ATL2: variants seen among roughly 807,000 people sequenced by gnomAD.
ATL2 encodes atlastin GTPase 2.
In ATL2, 31 loss-of-function variants were observed where a neutral mutation model predicts 73.9. The ratio of observed to expected loss-of-function variants is 0.42; its 90% confidence interval spans 0.32 to 0.57. The LOEUF (loss-of-function observed/expected upper bound fraction) is 0.57, where lower values mean the gene tolerates loss of function less well. ATL2 is among the 20% of genes least tolerant of loss of function. The pLI, the probability that ATL2 is intolerant of heterozygous loss-of-function variation, is 0.14. For missense variants in ATL2, 738 were observed against 702.6 expected (o/e 1.05, Z -0.57); for synonymous variants, 291 against 237.5 (o/e 1.23, Z -2.07).
intron 2 of ATL2, among the ~76,000 whole-genome samples, chr2:38,320,967 C>T (rs1292536743): frequency 6.6e-6 from 1 of 150,926 alleles, no homozygotes; most frequent in Non-Finnish European, 1.5e-5. Flanking sequence ...CTTGGTGAAA[C>T]CCCCTCTCTA....
At chr2:38,348,831 A>C (rs1435352583) in intron 1 of ATL2, among the ~76,000 whole-genome samples, 1 of 152,174 alleles carries the variant, frequency 6.6e-6, no homozygotes, top group Non-Finnish European at 1.5e-5. Flanking sequence ...CACAAGAAAA[A>C]AACAAACAAC....
chr2:38,367,080 A>G (rs1573590874), intron 1 of ATL2, among the ~76,000 whole-genome samples: 1 of 151,898 alleles, frequency 6.6e-6, no homozygotes, highest in African/African-American at 2.4e-5. Context: ...TCAGCCTCCC[A>G]AAGTGCTGGG....
At chr2:38,369,764 A>G (rs1671560036) in intron 1 of ATL2, among the ~76,000 whole-genome samples, 1 of 152,106 alleles carries the variant, frequency 6.6e-6, no homozygotes, top group South Asian at 2.1e-4. Flanking sequence ...TAAAAAGAAA[A>G]CAGCAATTTA....
chr2:38,367,777 C>CGA (rs1558459923), intron 1 of ATL2, among the ~76,000 whole-genome samples: 42 of 150,792 alleles, frequency 2.8e-4, no homozygotes, highest in African/African-American at 9.7e-4. Flanking sequence ...GGATTACAGG[C>CGA]GCTTGCCACC....
rs1304025802 is a variant in ATL2 at position 38,309,525 on chromosome 2, A to C, written c.944-19T>G. 3 of 1,604,808 alleles carry C rather than the reference A, an allele frequency of 1.9e-6. No homozygotes were observed. The highest frequency in any genetic ancestry group is 8.5e-7 in the Non-Finnish European group (1 of 1,178,296). On this transcript the variant is annotated intron_variant, in intron 8 of 12. Coordinates refer to ENST00000378954, the MANE Select transcript of ATL2 (RefSeq NM_001135673.4). ...TCAATATCTAGAAAACAAAAAATTG[A>C]GCAACATATTAGTCCAAAAAAAATT...
intron 2 of ATL2, among the ~76,000 whole-genome samples, chr2:38,323,736 A>T (rs1668453360): frequency 6.6e-6 from 1 of 152,158 alleles, no homozygotes. Flanking sequence ...AGACACAGAC[A>T]GGGTCTTGCT....
chr2:38,374,961 T>C (rs981647932), intron 1 of ATL2, among the ~76,000 whole-genome samples: 2 of 152,256 alleles, frequency 1.3e-5, no homozygotes, highest in African/African-American at 4.8e-5. Flanking sequence ...ATATCTTTAC[T>C]GTAAGGCAGC....
intron 9 of ATL2, among the ~76,000 whole-genome samples, chr2:38,308,809 A>G (rs1426369960): frequency 1.3e-5 from 2 of 152,142 alleles, no homozygotes; most frequent in African/African-American, 4.8e-5. Context: ...CAAAGATAAT[A>G]TGAGAGTAAC....
chr2:38,335,758 T>C (rs1047450393), intron 2 of ATL2, among the ~76,000 whole-genome samples: 2 of 152,078 alleles, frequency 1.3e-5, no homozygotes, highest in African/African-American at 2.4e-5. Flanking sequence ...AAATAAATAA[T>C]AGGCCGGGCG....
chr2:38,301,716 GCT>G (rs373662707), intron 9 of ATL2, among the ~76,000 whole-genome samples: 2 of 152,348 alleles, frequency 1.3e-5, no homozygotes, highest in Admixed American at 6.5e-5. Context: ...GGGCTACAGT[GCT>G]CTGAGGTCCT....
rs70954711 is a variant in ATL2, at chr2:38,329,423, C to CAAAAAAAAAAAAA, written c.364-10417_364-10405dup. Among the ~76,000 whole-genome samples the CAAAAAAAAAAAAA allele has an allele frequency of 9.0e-3, 123 of 13,666 alleles. 10 individuals carry two copies. Among genetic ancestry groups the CAAAAAAAAAAAAA allele is most frequent in the Non-Finnish European group, 0.012 (80 of 6,402 alleles). The allele number at this position is 13,666 out of a possible 152,430, so 9.0% of individuals were successfully genotyped here. A position where few individuals can be genotyped will look rare whatever the true frequency, so the allele number is the denominator to read the frequency against. On this transcript the variant is annotated intron_variant, in intron 2 of 12. Transcript: ENST00000378954. ...AGGAGACAGAGCAAGACTCCATCTC[C>CAAAAAAAAAAAAA]AAAAAAAAAAAAAAAAAAAAAAAAA...
intron 2 of ATL2, among the ~76,000 whole-genome samples, chr2:38,322,151 G>T (rs1043442678): frequency 5.3e-5 from 8 of 150,722 alleles, no homozygotes; most frequent in Admixed American, 2.0e-4. Context: ...TTGCACTGTT[G>T]TAAGTTCTGA....
Position 38,315,264 on chromosome 2 carries a change from T to C in ATL2, c.654+20A>G, listed in dbSNP as rs746859976. The C allele has an allele frequency of 2.7e-6, 4 of 1,474,156 alleles. No homozygotes were observed. Among genetic ancestry groups the C allele is most frequent in the Non-Finnish European group, 3.6e-6 (4 of 1,118,930 alleles). The allele number at this position is 1,474,156 out of a possible 1,614,324, so 91.3% of individuals were successfully genotyped here. ...GAAACTCCATCTCAAAAAATAAAAA[T>C]TAAAAAAAGAAATACGTACTTGCAA... On this transcript the variant is annotated intron_variant, in intron 5 of 12. Transcript: ENST00000378954.
intron 1 of ATL2, among the ~76,000 whole-genome samples, chr2:38,374,119 G>A (rs1671835912): frequency 6.6e-6 from 1 of 151,196 alleles, no homozygotes; most frequent in African/African-American, 2.5e-5. Context: ...TCGAACTCCT[G>A]ACCTCAGGTG....
At chr2:38,316,907 C>T (rs1022076) in intron 4 of ATL2, among the ~76,000 whole-genome samples, 75,173 of 151,784 alleles carry the variant, frequency 0.5, 20,646 homozygotes, top group African/African-American at 0.75. Flanking sequence ...GGAATCACAG[C>T]TGTGCCATCT....
At chr2:38,369,241 G>A (rs1392333062) in intron 1 of ATL2, among the ~76,000 whole-genome samples, 2 of 151,956 alleles carry the variant, frequency 1.3e-5, no homozygotes, top group Admixed American at 6.5e-5. Context: ...CCTGAGGTCA[G>A]GAGTTCAAGA....
chr2:38,345,397 A>T (rs933756569), intron 1 of ATL2, among the ~76,000 whole-genome samples: 6 of 152,230 alleles, frequency 3.9e-5, no homozygotes, highest in Non-Finnish European at 5.9e-5. Context: ...CAAAAGAAGC[A>T]TCTCACTTAT....
intron 2 of ATL2, among the ~76,000 whole-genome samples, chr2:38,343,051 G>A (rs1287443010): frequency 6.7e-6 from 1 of 149,694 alleles, no homozygotes; most frequent in African/African-American, 2.5e-5. Context: ...GGGAGGCTGA[G>A]GTGGGAGGAT....
intron 2 of ATL2, among the ~76,000 whole-genome samples, chr2:38,332,087 A>G (rs1008635969): frequency 2.6e-5 from 4 of 152,202 alleles, no homozygotes; most frequent in African/African-American, 9.7e-5. Context: ...TTAAGATTCA[A>G]CTTACATGAA....
Sources: gnomAD v4.1 joint callset for allele counts (sites outside exome capture counted in the v4.1 genomes callset) on GRCh38, gnomAD v4.1.1 for gene constraint, MANE v1.5 for transcripts, NCBI Gene and HGNC (gene_info 2026-07-23, HGNC 2026-07-21) for gene names.